The following PAM variants were observed in gnomAD, a reference collection of about 807,000 sequenced individuals.
PAM encodes peptidylglycine alpha-amidating monooxygenase, also known as peptidyl-glycine alpha-amidating monooxygenase.
Under a neutral mutation model 122.1 loss-of-function variants are expected in PAM, and 72 were observed. The ratio of observed to expected loss-of-function variants is 0.59; its 90% CI spans 0.49 to 0.72. The LOEUF is 0.72. PAM is among the 30% of genes least tolerant of loss of function. The pLI, the probability that PAM is intolerant of heterozygous loss-of-function variation, is 0.00. For synonymous variants in PAM, 389 were observed against 404.4 expected (o/e 0.96, Z 0.46); for missense variants, 1,106 against 1,183.7 (o/e 0.93, Z 0.96).
intron 7 of PAM, among the ~76,000 whole-genome samples, chr5:102,942,583 T>C (rs567383686): frequency 6.6e-6 from 1 of 150,600 alleles, no homozygotes; most frequent in South Asian, 2.1e-4. Context: ...CCAAATTTTC[T>C]AAATTTTTTT....
rs146531549 is a variant in PAM at position 102,932,744 on chromosome 5, T to C, written c.526+6076T>C. On this transcript the variant is annotated intron_variant, in intron 7 of 25. Coordinates refer to ENST00000438793, the MANE Select transcript of PAM (RefSeq NM_001177306.2). ...CATGTTAAATGCCTACAGCTGTGCC[T>C]GACACAGAACAGATTGGCAATGAAT... Among the ~76,000 whole-genome samples the C allele has an allele frequency of 8.5e-5, 13 of 152,100 alleles. No individual in the cohort carries two copies. In the East Asian group the frequency reaches 2.5e-3, roughly 29 times the overall value.
intron 1 of PAM, among the ~76,000 whole-genome samples, chr5:102,804,451 T>C (rs1765686233): frequency 6.6e-6 from 1 of 152,190 alleles, no homozygotes; most frequent in Non-Finnish European, 1.5e-5. Context: ...GGAAATTTGG[T>C]TGCTAACTGG....
In PAM at chr5:102,941,833, C is replaced by CAAAAAA. The variant is rs70990420; in HGVS notation, c.527-4983_527-4978dup. Among the ~76,000 whole-genome samples, 75 of 58,376 alleles carry CAAAAAA rather than the reference C, an allele frequency of 1.3e-3. 6 individuals carry two copies. Among genetic ancestry groups the CAAAAAA allele is most frequent in the African/African-American group, 4.0e-3 (64 of 16,062 alleles). The allele number at this position is 58,376 out of a possible 152,430, so 38.3% of individuals were successfully genotyped here. Reference sequence around the variant, plus strand: ...ACCTGCATTTCTAATCCAGATGGTACAAAAAAAAAAAAAAAAAAAAAAAAA... The same window carrying CAAAAAA: ...ACCTGCATTTCTAATCCAGATGGTACAAAAAAAAAAAAAAAAAAAAAAAAAAAAAAA... On this transcript the variant is annotated intron_variant, in intron 7 of 25. Transcript: ENST00000438793.
chr5:102,985,718 A>G (rs956318819), intron 15 of PAM, among the ~76,000 whole-genome samples: 7 of 152,184 alleles, frequency 4.6e-5, no homozygotes, highest in Non-Finnish European at 1.0e-4. Context: ...ATGGAAGAAA[A>G]GGGAATTCTT....
At chr5:103,022,210 C>A in intron 23 of PAM, among the ~76,000 whole-genome samples, 1 of 146,080 alleles carries the variant, frequency 6.8e-6, no homozygotes, top group Admixed American at 7.0e-5. Flanking sequence ...TTATGGTAAG[C>A]AACACATTGT....
intron 1 of PAM, among the ~76,000 whole-genome samples, chr5:102,793,361 CAAAAAAAAATGAA>C (rs1367590388): frequency 8.9e-5 from 12 of 135,476 alleles, no homozygotes; most frequent in Non-Finnish European, 1.7e-4. Context: ...CCTGTCTCTT[CAAAAAAAAATGAA>C]AAAAAAAATA....
Position 102,975,236 on chromosome 5 carries a change from C to G in PAM, c.1483+800C>G, listed in dbSNP as rs75876117. 1.2e-3 allele frequency among the ~76,000 whole-genome samples: 181 copies of G among 152,220 alleles called. 3 individuals are homozygous for G. In the East Asian group the frequency reaches 0.031, roughly 26 times the overall value. ...AATCTCCAAAAAAGTAACGGATATG[C>G]GTGCATGGCAGCTGTCCATGTGTGG... On this transcript the variant is annotated intron_variant, in intron 15 of 25. Coordinates refer to ENST00000438793, the MANE Select transcript of PAM (RefSeq NM_001177306.2).
chr5:102,833,546 A>G (rs1776037547), intron 1 of PAM, among the ~76,000 whole-genome samples: 1 of 152,190 alleles, frequency 6.6e-6, no homozygotes, highest in South Asian at 2.1e-4. Flanking sequence ...TTCTATTTCA[A>G]TGTGGACATT....
At chr5:102,998,476 G>A (rs1776385948) in intron 16 of PAM, among the ~76,000 whole-genome samples, 1 of 152,156 alleles carries the variant, frequency 6.6e-6, no homozygotes, top group Admixed American at 6.5e-5. Context: ...TACATATAAA[G>A]TAGATAGCAC....
chr5:102,820,214 T>C (rs554998661), intron 1 of PAM, among the ~76,000 whole-genome samples: 3 of 149,748 alleles, frequency 2.0e-5, no homozygotes, highest in Non-Finnish European at 4.4e-5. Flanking sequence ...TTTAGTGAGA[T>C]TGTTAGAGAT....
intron 14 of PAM, among the ~76,000 whole-genome samples, chr5:102,962,701 C>G (rs181383046): frequency 6.6e-6 from 1 of 151,598 alleles, no homozygotes; most frequent in African/African-American, 2.4e-5. Flanking sequence ...GTTAGTGAAG[C>G]GGTATTAAAG....
intron 1 of PAM, among the ~76,000 whole-genome samples, chr5:102,807,549 G>A (rs1274321558): frequency 6.6e-6 from 1 of 152,128 alleles, no homozygotes; most frequent in Admixed American, 6.5e-5. Flanking sequence ...ATTCGCTGGA[G>A]GTGTTTTCTG....
At chr5:102,938,891 G>A (rs1271261477) in intron 7 of PAM, among the ~76,000 whole-genome samples, 1 of 152,010 alleles carries the variant, frequency 6.6e-6, no homozygotes, top group Admixed American at 6.6e-5. Flanking sequence ...TGCCTTTCAC[G>A]CTGTTCCCCA....
chr5:102,842,664 A>C (rs1360540177), intron 1 of PAM, among the ~76,000 whole-genome samples: 1 of 152,188 alleles, frequency 6.6e-6, no homozygotes, highest in Non-Finnish European at 1.5e-5. Flanking sequence ...CCTTTATTTG[A>C]GGAATGGGTG....
chr5:102,995,486 G>A (rs1582694482), intron 16 of PAM, among the ~76,000 whole-genome samples: 1 of 152,200 alleles, frequency 6.6e-6, no homozygotes, highest in East Asian at 1.9e-4. Flanking sequence ...TAGGAGGCCT[G>A]GATTTGAATC....
intron 1 of PAM, among the ~76,000 whole-genome samples, chr5:102,840,515 G>A (rs1347507595): frequency 6.6e-6 from 1 of 152,112 alleles, no homozygotes; most frequent in Non-Finnish European, 1.5e-5. Context: ...TTATGTAATA[G>A]TAGTAGTAGT....
At chr5:102,883,632 T>A (rs1450032870) in intron 3 of PAM, among the ~76,000 whole-genome samples, 2 of 152,004 alleles carry the variant, frequency 1.3e-5, no homozygotes, top group African/African-American at 4.8e-5. Flanking sequence ...TAGGGTTTTC[T>A]AAGTATACGA....
intron 16 of PAM, among the ~76,000 whole-genome samples, chr5:102,991,582 A>G (rs1774096545): frequency 1.3e-5 from 2 of 152,112 alleles, no homozygotes; most frequent in African/African-American, 4.8e-5. Context: ...GCATATGTCT[A>G]ATGTCTAATA....
At chr5:102,842,295 C>T (rs181229420) in intron 1 of PAM, among the ~76,000 whole-genome samples, 2 of 151,862 alleles carry the variant, frequency 1.3e-5, no homozygotes, top group African/African-American at 2.4e-5. Flanking sequence ...TATGTCCCCA[C>T]CCAAATTTCA....
Sources: gnomAD v4.1 joint callset for allele counts (sites outside exome capture counted in the v4.1 genomes callset) on GRCh38, gnomAD v4.1.1 for gene constraint, MANE v1.5 for transcripts, NCBI Gene and HGNC (gene_info 2026-07-23, HGNC 2026-07-21) for gene names.